Variants in MARCHF1 observed in about 807,000 individuals in gnomAD.
The protein encoded by MARCHF1 is membrane associated ring-CH-type finger 1, also known as E3 ubiquitin-protein ligase MARCHF1.
MARCHF1 carries 40 observed loss-of-function variants against 54.2 expected under a neutral mutation model. The observed-to-expected ratio is 0.74, with a 90% CI of 0.57 to 0.96. The LOEUF is 0.96. Among genes scored for constraint, MARCHF1 ranks in the 40% least tolerant of loss-of-function variants. The pLI is 0.00. For synonymous variants in MARCHF1, 236 were observed against 236.3 expected (o/e 1.00, Z 0.01); for missense variants, 586 against 656.5 (o/e 0.89, Z 1.17).
intron 1 of MARCHF1, among the ~76,000 whole-genome samples, chr4:164,231,185 A>C (rs1340497619): frequency 6.6e-6 from 1 of 152,188 alleles, no homozygotes; most frequent in African/African-American, 2.4e-5. Flanking sequence ...AAGAAAGAAA[A>C]GGATAAAAAT....
At chr4:163,623,424 G>A (rs1741754876) in intron 5 of MARCHF1, among the ~76,000 whole-genome samples, 1 of 152,178 alleles carries the variant, frequency 6.6e-6, no homozygotes, top group African/African-American at 2.4e-5. Flanking sequence ...CTTTATAAGT[G>A]CCAACTAATG....
At chr4:164,197,688 A>G in intron 1 of MARCHF1, 1 of 1,612,384 alleles carries the variant, frequency 6.2e-7, no homozygotes, top group Non-Finnish European at 8.5e-7. Context: ...GCAGCTCTGA[A>G]TGAATCCGTC....
intron 4 of MARCHF1, among the ~76,000 whole-genome samples, chr4:163,755,002 G>A (rs1746625745): frequency 6.6e-6 from 1 of 152,112 alleles, no homozygotes; most frequent in Non-Finnish European, 1.5e-5. Flanking sequence ...ATTTTCCTAG[G>A]GATGATTTTG....
intron 1 of MARCHF1, among the ~76,000 whole-genome samples, chr4:164,195,323 T>C (rs1290234144): frequency 6.6e-6 from 1 of 152,194 alleles, no homozygotes; most frequent in Non-Finnish European, 1.5e-5. Flanking sequence ...GATCTCAGAA[T>C]TCTGATGCTA....
intron 5 of MARCHF1, among the ~76,000 whole-genome samples, chr4:163,623,793 C>T (rs74367028): frequency 0.019 from 2,895 of 152,230 alleles, 89 homozygotes; most frequent in African/African-American, 0.063. Flanking sequence ...ATTTTCCCTA[C>T]CCATTCATTT....
intron 2 of MARCHF1, among the ~76,000 whole-genome samples, chr4:164,016,940 G>C (rs1415439147): frequency 6.6e-6 from 1 of 151,858 alleles, no homozygotes; most frequent in African/African-American, 2.4e-5. Context: ...CAATAATTAT[G>C]TATCCATTAT....
chr4:163,732,198 A>T (rs1745865319), intron 4 of MARCHF1, among the ~76,000 whole-genome samples: 1 of 151,634 alleles, frequency 6.6e-6, no homozygotes, highest in Non-Finnish European at 1.5e-5. Context: ...AAACTTAGAG[A>T]TATGAAAGAG....
rs1381336302 is a variant in MARCHF1 at position 163,526,344 on chromosome 4, TAA to T, written c.*2402_*2403del. 6.6e-6 allele frequency: 1 copy of T among 152,054 alleles called. No homozygotes were observed. The highest frequency in any genetic ancestry group is 1.5e-5 in the Non-Finnish European group (1 of 67,976). 9.4% of individuals were successfully genotyped at this position (152,054 alleles called of 1,614,324 possible). A position where few individuals can be genotyped will look rare whatever the true frequency, so the allele number is the denominator to read the frequency against. ...TTTAAACAATATTTTCCATGTTAAT[TAA>T]AGTAAATAATTATTTTACTTTCAGA... On this transcript the variant is annotated 3_prime_UTR_variant, in exon 10 of 10. Transcript: ENST00000514618.
At chr4:163,838,952 C>A (rs1203350699) in intron 4 of MARCHF1, among the ~76,000 whole-genome samples, 1 of 151,986 alleles carries the variant, frequency 6.6e-6, no homozygotes, top group Admixed American at 6.6e-5. Flanking sequence ...ACACCATTAA[C>A]AAAGTGAAAA....
chr4:164,224,717 A>C (rs952910898), intron 1 of MARCHF1, among the ~76,000 whole-genome samples: 1 of 152,064 alleles, frequency 6.6e-6, no homozygotes, highest in Non-Finnish European at 1.5e-5. Context: ...AATAAACAAC[A>C]ATTAAGTTTA....
rs181943255 is a variant in MARCHF1, at chr4:163,730,196, G to C, written c.112-29333C>G. On this transcript the variant is annotated intron_variant, in intron 4 of 9. Coordinates refer to ENST00000514618, the MANE Select transcript of MARCHF1 (RefSeq NM_001394959.1). ...TTTGAATCTCTCTAGTAATTTTTTC[G>C]TTTTAGTTATTGTACTTTTCATCTA... is the stretch of plus-strand genomic sequence containing the variant. Among the ~76,000 whole-genome samples the C allele has an allele frequency of 3.0e-3, 450 of 151,856 alleles. 3 individuals are homozygous for C. The highest frequency in any genetic ancestry group is 0.011 in the African/African-American group (441 of 41,452).
chr4:164,219,842 C>A (rs1391498963), intron 1 of MARCHF1, among the ~76,000 whole-genome samples: 2 of 151,976 alleles, frequency 1.3e-5, no homozygotes, highest in South Asian at 2.1e-4. Flanking sequence ...CAAATCCATG[C>A]CAGAATTACT....
chr4:164,306,922 G>A (rs1250599141), intron 1 of MARCHF1, among the ~76,000 whole-genome samples: 1 of 152,104 alleles, frequency 6.6e-6, no homozygotes, highest in Non-Finnish European at 1.5e-5. Context: ...AAATGCTTAA[G>A]TATGTATTTG....
chr4:164,138,431 C>A (rs1756450170), intron 1 of MARCHF1, among the ~76,000 whole-genome samples: 1 of 152,036 alleles, frequency 6.6e-6, no homozygotes, highest in Admixed American at 6.5e-5. Context: ...GAAGTAGGAG[C>A]AAGGGAGCTA....
chr4:163,564,630 T>G (rs193175990), intron 8 of MARCHF1, among the ~76,000 whole-genome samples: 1 of 152,332 alleles, frequency 6.6e-6, no homozygotes, highest in East Asian at 1.9e-4. Context: ...CCTAGATCAG[T>G]GAGTGAGTGA....
At chr4:164,283,538 A>G (rs1305874693) in intron 1 of MARCHF1, among the ~76,000 whole-genome samples, 1 of 151,016 alleles carries the variant, frequency 6.6e-6, no homozygotes, top group African/African-American at 2.4e-5. Context: ...CTGGGGAACA[A>G]CCATGATGAA....
chr4:163,972,113 C>T (rs557746719), intron 3 of MARCHF1, among the ~76,000 whole-genome samples: 1 of 152,162 alleles, frequency 6.6e-6, no homozygotes, highest in South Asian at 2.1e-4. Context: ...AAACCAAGCG[C>T]TGCATGTTCT....
intron 1 of MARCHF1, among the ~76,000 whole-genome samples, chr4:164,139,064 A>G (rs1359136371): frequency 1.3e-5 from 2 of 152,238 alleles, no homozygotes; most frequent in Non-Finnish European, 2.9e-5. Context: ...TTGGTCTAGT[A>G]CATGAAACAT....
chr4:164,113,630 G>A (rs1225469126), intron 1 of MARCHF1, among the ~76,000 whole-genome samples: 2 of 151,864 alleles, frequency 1.3e-5, no homozygotes, highest in African/African-American at 4.8e-5. Context: ...TAGGTGAATC[G>A]TGAGAAAAAT....
Sources: gnomAD v4.1 joint callset for allele counts (sites outside exome capture counted in the v4.1 genomes callset) on GRCh38, gnomAD v4.1.1 for gene constraint, MANE v1.5 for transcripts, NCBI Gene and HGNC (gene_info 2026-07-23, HGNC 2026-07-21) for gene names.